MEGF9: variants seen among roughly 807,000 people sequenced by gnomAD.
MEGF9 encodes the protein multiple epidermal growth factor-like domains protein 9.
In MEGF9, 6 loss-of-function variants were observed where a neutral mutation model predicts 46.8. The observed-to-expected ratio is 0.13, with a 90% CI of 0.07 to 0.25. MEGF9 has a LOEUF of 0.25. MEGF9 is among the 10% of genes least tolerant of loss of function. MEGF9 has a pLI of 1.00. For synonymous variants in MEGF9, 302 were observed against 330.7 expected (o/e 0.91, Z 0.94); for missense variants, 683 against 792.4 (o/e 0.86, Z 1.66).
intron 3 of MEGF9, among the ~76,000 whole-genome samples, chr9:120,620,862 A>AAG (rs2043496512): frequency 6.6e-6 from 1 of 151,936 alleles, no homozygotes; most frequent in Non-Finnish European, 1.5e-5. Context: ...AAGAAAAAAA[A>AAG]AACAATTTCT....
chr9:120,714,191 G>A lies in MEGF9; in HGVS notation c.168C>T (p.Gly56=), dbSNP rs1448880831. Residue 56 remains glycine, a synonymous_variant, in exon 1 of 6, where the codon GGC becomes GGT. Transcript: ENST00000373930. ...GGCTGGGCTCGCCCCGCAACCCGGG[G>A]CCCGGCGACGCGTCCACCTGCCCCG... The part of the protein sequence containing the change: ...GAAGQVDASP[G]PGLRGEPSHP... The A allele has an allele frequency of 4.0e-6, 5 of 1,234,624 alleles. No homozygotes were observed. Among genetic ancestry groups the A allele is most frequent in the Non-Finnish European group, 5.0e-6 (5 of 990,356 alleles). The allele number at this position is 1,234,624 out of a possible 1,614,324, so 76.5% of individuals were successfully genotyped here.
At chr9:120,677,907 C>T (rs982741240) in intron 1 of MEGF9, among the ~76,000 whole-genome samples, 3 of 152,096 alleles carry the variant, frequency 2.0e-5, no homozygotes, top group African/African-American at 7.2e-5. Flanking sequence ...TAACCATCCC[C>T]ACCTCCCTTC....
At chr9:120,713,372 C>G (rs1174479561) in intron 1 of MEGF9, among the ~76,000 whole-genome samples, 1 of 152,144 alleles carries the variant, frequency 6.6e-6, no homozygotes, top group East Asian at 1.9e-4. Flanking sequence ...CAGCTTTTGA[C>G]CCAGTGGTTG....
rs2043967139 is a variant in MEGF9 at position 120,714,143 on chromosome 9, A to G, written c.216T>C (p.Ala72=). 29 of 1,235,512 alleles carry G rather than the reference A, an allele frequency of 2.3e-5. No homozygotes were observed. Among genetic ancestry groups the G allele is most frequent in the Non-Finnish European group, 2.9e-5 (29 of 990,322 alleles). The allele number at this position is 1,235,512 out of a possible 1,614,324, so 76.5% of individuals were successfully genotyped here. A position where few individuals can be genotyped will look rare whatever the true frequency, so the allele number is the denominator to read the frequency against. ...CGGTCCTCGGGGCCTGGGCCGTGGG[A>G]GCCGTCGCCCTAGGGAAGGGGTGGC... ...EPSHPFPRAT[A]PTAQAPRTGP... is the part of the protein sequence containing the mutation. The change falls in exon 1 of 6, where the codon GCT becomes GCC. Residue 72 remains alanine (A), a synonymous_variant. Transcript: ENST00000373930.
At chr9:120,614,954 T>C (rs974191769) in intron 3 of MEGF9, among the ~76,000 whole-genome samples, 1 of 151,948 alleles carries the variant, frequency 6.6e-6, no homozygotes, top group Non-Finnish European at 1.5e-5. Context: ...TGTATATATG[T>C]ATATGCCAGG....
intron 3 of MEGF9, among the ~76,000 whole-genome samples, chr9:120,621,950 T>C (rs373695528): frequency 6.6e-6 from 1 of 152,186 alleles, no homozygotes; most frequent in Non-Finnish European, 1.5e-5. Context: ...GAGATTTGTA[T>C]TGGCCTTTGG....
chr9:120,692,771 G>A (rs1348582828), intron 1 of MEGF9, among the ~76,000 whole-genome samples: 5 of 152,078 alleles, frequency 3.3e-5, no homozygotes, highest in African/African-American at 1.2e-4. Flanking sequence ...ACAGGCTGCT[G>A]CTCCCTTTTC....
chr9:120,689,313 G>A (rs796962562), intron 1 of MEGF9, among the ~76,000 whole-genome samples: 41 of 152,222 alleles, frequency 2.7e-4, no homozygotes, highest in African/African-American at 9.6e-4. Context: ...GCAAAAGAGA[G>A]CATAGTACTA....
intron 1 of MEGF9, among the ~76,000 whole-genome samples, chr9:120,666,347 A>G (rs1330017021): frequency 6.6e-6 from 1 of 152,210 alleles, no homozygotes; most frequent in African/African-American, 2.4e-5. Context: ...CTGACTTGCA[A>G]AAGTAGATGG....
In MEGF9 at chr9:120,695,489, A is replaced by G. The variant is rs192142747; in HGVS notation, c.601+18269T>C. ...GAGTGGTGGTGGGTGCCTGTAATCC[A>G]GCTACTTGGGAGGCTAAGGCAGGAG... is the stretch of plus-strand genomic sequence containing the variant. On this transcript the variant is annotated intron_variant, in intron 1 of 5. Transcript: ENST00000373930. 4.2e-3 allele frequency among the ~76,000 whole-genome samples: 638 copies of G among 151,358 alleles called. 5 individuals carry two copies. The highest frequency in any genetic ancestry group is 0.015 in the African/African-American group (602 of 41,170).
At chr9:120,616,247 T>C (rs1418875140) in intron 3 of MEGF9, among the ~76,000 whole-genome samples, 1 of 151,838 alleles carries the variant, frequency 6.6e-6, no homozygotes, top group Non-Finnish European at 1.5e-5. Context: ...ACACTTCATA[T>C]ATATATTTAA....
intron 4 of MEGF9, 32 bp downstream of exon 4, chr9:120,612,361 TCCC>T (rs1564411848): frequency 1.9e-6 from 3 of 1,581,588 alleles, no homozygotes; most frequent in Admixed American, 1.9e-5. Flanking sequence ...GATTTTTTTT[TCCC>T]TCTAAAATGA....
At chr9:120,630,928 T>C (rs1564416027) in intron 2 of MEGF9, among the ~76,000 whole-genome samples, 1 of 152,232 alleles carries the variant, frequency 6.6e-6, no homozygotes, top group African/African-American at 2.4e-5. Context: ...CCATTCTGCA[T>C]ATTGTCTTTT....
chr9:120,645,632 C>T (rs2043622873), intron 2 of MEGF9, among the ~76,000 whole-genome samples: 1 of 152,082 alleles, frequency 6.6e-6, no homozygotes, highest in African/African-American at 2.4e-5. Flanking sequence ...GGAGAGAGTA[C>T]TTGACTTTAT....
chr9:120,691,475 C>T (rs867318827), intron 1 of MEGF9: 1 of 453,422 alleles, frequency 2.2e-6, no homozygotes, highest in Admixed American at 2.8e-5. Context: ...CACTGATGCC[C>T]TGAACAAGAA....
chr9:120,613,544 TATTTAAAA>T (rs553419348), intron 3 of MEGF9, among the ~76,000 whole-genome samples: 109 of 151,980 alleles, frequency 7.2e-4, no homozygotes, highest in African/African-American at 2.5e-3. Context: ...TAGCTTTATA[TATTTAAAA>T]ATTTAAAGTA....
chr9:120,671,064 T>G (rs1369761097), intron 1 of MEGF9, among the ~76,000 whole-genome samples: 1 of 152,208 alleles, frequency 6.6e-6, no homozygotes, highest in Non-Finnish European at 1.5e-5. Flanking sequence ...AACAAAACAA[T>G]AGCCTTCTCA....
chr9:120,640,174 C>T (rs552584505), intron 2 of MEGF9, among the ~76,000 whole-genome samples: 2 of 152,118 alleles, frequency 1.3e-5, no homozygotes, highest in Non-Finnish European at 2.9e-5. Flanking sequence ...ACATACTACC[C>T]CCTAACTCCT....
chr9:120,672,305 C>T (rs2043752628), intron 1 of MEGF9, among the ~76,000 whole-genome samples: 1 of 151,994 alleles, frequency 6.6e-6, no homozygotes, highest in Admixed American at 6.6e-5. Flanking sequence ...AGAAACAAAA[C>T]TGGGCCAGGG....
Sources: gnomAD v4.1 joint callset for allele counts (sites outside exome capture counted in the v4.1 genomes callset) on GRCh38, gnomAD v4.1.1 for gene constraint, MANE v1.5 for transcripts, NCBI Gene and HGNC (gene_info 2026-07-23, HGNC 2026-07-21) for gene names.